Variants in PGCKA1 observed in about 807,000 individuals in gnomAD.
PGCKA1 encodes PDCD10 and GCKIII kinases-associated protein 1.
the PGCKA1 span, among the ~76,000 whole-genome samples, chr4:37,565,193 T>C: frequency 6.6e-6 from 1 of 152,196 alleles, no homozygotes; most frequent in South Asian, 2.1e-4. Context: ...TTGACATCTC[T>C]GTGTGCCTTC....
the PGCKA1 span, among the ~76,000 whole-genome samples, chr4:37,530,442 C>T: frequency 1.3e-5 from 2 of 151,700 alleles, no homozygotes; most frequent in East Asian, 1.9e-4. Flanking sequence ...TGCATGGTGG[C>T]GCACGCCTGT....
the PGCKA1 span, among the ~76,000 whole-genome samples, chr4:37,495,922 T>C: frequency 5.9e-5 from 9 of 152,318 alleles, no homozygotes; most frequent in Admixed American, 5.9e-4. Flanking sequence ...TTATTTTTCT[T>C]TTTTTCTTGT....
At chr4:37,563,319 C>T in the PGCKA1 span, among the ~76,000 whole-genome samples, 149,818 of 152,286 alleles carry the variant, frequency 0.98, 73,744 homozygotes, top group Middle Eastern at 1. Flanking sequence ...ATTCGATTCC[C>T]GGGAGAGCTC....
chr4:37,473,184 T>C, the PGCKA1 span, among the ~76,000 whole-genome samples: 1 of 152,172 alleles, frequency 6.6e-6, no homozygotes, highest in Non-Finnish European at 1.5e-5. Flanking sequence ...AAAGCAAAAT[T>C]ATTTCCTTAT....
At chr4:37,483,819 A>G in the PGCKA1 span, among the ~76,000 whole-genome samples, 1 of 152,170 alleles carries the variant, frequency 6.6e-6, no homozygotes, top group Non-Finnish European at 1.5e-5. Context: ...TCCAGCATCC[A>G]CAGAGCCAGG....
At chr4:37,584,593 CT>C in the PGCKA1 span, among the ~76,000 whole-genome samples, 3 of 152,152 alleles carry the variant, frequency 2.0e-5, no homozygotes, top group African/African-American at 4.8e-5. Flanking sequence ...TGTATATTTC[CT>C]TCAGAAGCAG....
At chr4:37,590,634 C>T in the PGCKA1 span, 2 of 1,614,148 alleles carry the variant, frequency 1.2e-6, no homozygotes, top group South Asian at 1.1e-5. Context: ...AGCATTGGGG[C>T]CCAGCTGGAG....
chr4:37,566,330 G>C, the PGCKA1 span, among the ~76,000 whole-genome samples: 3 of 151,390 alleles, frequency 2.0e-5, no homozygotes, highest in Admixed American at 6.6e-5. Flanking sequence ...ACCCAGGCTG[G>C]AGTGCAGTGG....
At chr4:37,500,884 T>G in the PGCKA1 span, among the ~76,000 whole-genome samples, 1 of 152,268 alleles carries the variant, frequency 6.6e-6, no homozygotes, top group Admixed American at 6.5e-5. Flanking sequence ...TCTTTGTCTT[T>G]TTAAATCTTT....
chr4:37,576,052 C>T, the PGCKA1 span, among the ~76,000 whole-genome samples: 1 of 151,972 alleles, frequency 6.6e-6, no homozygotes, highest in East Asian at 1.9e-4. Context: ...TTGTTTTTTT[C>T]GCTCAGGATG....
the PGCKA1 span, among the ~76,000 whole-genome samples, chr4:37,539,938 TAAG>T: frequency 2.6e-5 from 4 of 152,176 alleles, no homozygotes; most frequent in Admixed American, 2.0e-4. Flanking sequence ...TTCTTTATCA[TAAG>T]AACATTCAAA....
the PGCKA1 span, among the ~76,000 whole-genome samples, chr4:37,500,048 G>A: frequency 5.4e-5 from 8 of 147,494 alleles, no homozygotes; most frequent in South Asian, 2.2e-4. Context: ...TCAGCCTCCC[G>A]AGTAGCTGGG....
the PGCKA1 span, among the ~76,000 whole-genome samples, chr4:37,473,921 A>C: frequency 1.3e-3 from 195 of 151,948 alleles, no homozygotes; most frequent in African/African-American, 4.4e-3. Context: ...ATCCAACTCA[A>C]CTCACCTGAA....
At chr4:37,550,037 A>C in the PGCKA1 span, among the ~76,000 whole-genome samples, 1 of 152,246 alleles carries the variant, frequency 6.6e-6, no homozygotes, top group East Asian at 1.9e-4. Context: ...AGATTGCTAC[A>C]GTCCTATTGT....
chr4:37,565,767 A>G, the PGCKA1 span, among the ~76,000 whole-genome samples: 1 of 152,178 alleles, frequency 6.6e-6, no homozygotes, highest in African/African-American at 2.4e-5. Flanking sequence ...GATGGGATTG[A>G]AGGATGCAAA....
At chr4:37,472,068 C>T in the PGCKA1 span, among the ~76,000 whole-genome samples, 4 of 152,284 alleles carry the variant, frequency 2.6e-5, no homozygotes, top group African/African-American at 9.6e-5. Flanking sequence ...GAGCTGTCAT[C>T]ATCTTAGTCC....
At chr4:37,543,716 C>A in the PGCKA1 span, among the ~76,000 whole-genome samples, 302 of 151,710 alleles carry the variant, frequency 2.0e-3, 2 homozygotes, top group African/African-American at 7.0e-3. Flanking sequence ...CGCCTGTAGT[C>A]CCAGCTACTC....
chr4:37,530,314 G>A, the PGCKA1 span, among the ~76,000 whole-genome samples: 1 of 152,188 alleles, frequency 6.6e-6, no homozygotes, highest in African/African-American at 2.4e-5. Flanking sequence ...GCTCACACCT[G>A]TAATCTCAGG....
the PGCKA1 span, among the ~76,000 whole-genome samples, chr4:37,575,986 C>T: frequency 6.6e-6 from 1 of 152,034 alleles, no homozygotes; most frequent in African/African-American, 2.4e-5. Flanking sequence ...CCATGCTGTA[C>T]CGATTACTAT....
Sources: gnomAD v4.1 joint callset for allele counts (sites outside exome capture counted in the v4.1 genomes callset) on GRCh38, gnomAD v4.1.1 for gene constraint, MANE v1.5 for transcripts, NCBI Gene and HGNC (gene_info 2026-07-23, HGNC 2026-07-21) for gene names.